The following GLRA3 variants were observed in gnomAD, a reference collection of about 807,000 sequenced individuals.
GLRA3 encodes the protein glycine receptor subunit alpha-3.
A neutral mutation model predicts 60.4 loss-of-function variants in GLRA3; 44 were observed. The observed-to-expected ratio is 0.73, with a 90% CI of 0.57 to 0.94. The LOEUF is 0.94. Ranked by LOEUF, GLRA3 falls within the 40% of genes least tolerant of loss-of-function variation. The pLI, the probability that GLRA3 is intolerant of heterozygous loss-of-function variation, is 0.00. For synonymous variants in GLRA3, 223 were observed against 192.9 expected (o/e 1.16, Z -1.29); for missense variants, 508 against 564.6 (o/e 0.90, Z 1.02).
intron 5 of GLRA3, among the ~76,000 whole-genome samples, chr4:174,691,864 T>C (rs1350232117): frequency 6.6e-6 from 1 of 151,476 alleles, no homozygotes; most frequent in East Asian, 2.0e-4. Context: ...TCGTCTGGGA[T>C]GTGAGGAGCC....
chr4:174,728,163 A>T (rs1280250206), intron 4 of GLRA3, among the ~76,000 whole-genome samples: 1 of 152,262 alleles, frequency 6.6e-6, no homozygotes, highest in African/African-American at 2.4e-5. Flanking sequence ...TAAAAGTATT[A>T]TCACAATGCA....
chr4:174,654,900 A>G (rs1733144842), intron 9 of GLRA3, among the ~76,000 whole-genome samples: 1 of 152,172 alleles, frequency 6.6e-6, no homozygotes, highest in African/African-American at 2.4e-5. Flanking sequence ...TTTGGATACA[A>G]GAGCAAACTT....
chr4:174,704,605 A>G (rs1183776819), intron 5 of GLRA3, among the ~76,000 whole-genome samples: 2 of 144,024 alleles, frequency 1.4e-5, no homozygotes, highest in African/African-American at 5.0e-5. Flanking sequence ...TATATGTCCA[A>G]AAGAATTCAA....
At chr4:174,715,905 A>G (rs896681513) in intron 4 of GLRA3, among the ~76,000 whole-genome samples, 1 of 150,808 alleles carries the variant, frequency 6.6e-6, no homozygotes, top group African/African-American at 2.5e-5. Context: ...TATTTATTCA[A>G]TTAGAAAGGG....
At chr4:174,694,832 A>T (rs1734987886) in intron 5 of GLRA3, among the ~76,000 whole-genome samples, 2 of 152,072 alleles carry the variant, frequency 1.3e-5, no homozygotes, top group Non-Finnish European at 2.9e-5. Flanking sequence ...CACTAGCTAG[A>T]CTAATAAAGC....
intron 5 of GLRA3, among the ~76,000 whole-genome samples, chr4:174,702,255 A>G (rs1240044569): frequency 6.6e-6 from 1 of 152,230 alleles, no homozygotes; most frequent in African/African-American, 2.4e-5. Context: ...GAAAATGATT[A>G]TGACTCACTG....
chr4:174,685,837 A>C (rs1396887871), intron 5 of GLRA3, among the ~76,000 whole-genome samples: 2 of 152,166 alleles, frequency 1.3e-5, no homozygotes, highest in African/African-American at 4.8e-5. Flanking sequence ...ACCTATAATC[A>C]CTGAAGACAA....
At position 174,682,820 on chromosome 4, in the gene GLRA3, T is replaced by A; in HGVS notation, c.694A>T (p.Thr232Ser). The A allele has an allele frequency of 6.2e-7, 1 of 1,612,812 alleles. No homozygotes were observed. Among genetic ancestry groups the A allele is most frequent in the East Asian group, 2.2e-5 (1 of 44,848 alleles). Residue 232 changes from threonine (T) to serine (S), a missense_variant, in exon 6 of 10, where the codon ACT becomes TCT. Physicochemically the swap from Thr to Ser is moderately conservative, Grantham distance 58. Coordinates refer to ENST00000274093, the MANE Select transcript of GLRA3 (RefSeq NM_006529.4). ...CCCCTACCTGTATTGTAATGTTTAG[T>A]GCAGTATCGTAAATCTTTTTCTTCT... ...LKEEKDLRYC[T>S]KHYNTGKFTC...
At chr4:174,823,331 T>C (rs1378338068) in intron 1 of GLRA3, among the ~76,000 whole-genome samples, 1 of 152,212 alleles carries the variant, frequency 6.6e-6, no homozygotes, top group East Asian at 1.9e-4. Flanking sequence ...GAGACCATCC[T>C]GGCTAACATA....
At chr4:174,724,582 TCTATTGTATTCA>T (rs1736249950) in intron 4 of GLRA3, among the ~76,000 whole-genome samples, 1 of 152,164 alleles carries the variant, frequency 6.6e-6, no homozygotes, top group Non-Finnish European at 1.5e-5. Flanking sequence ...AGAAGGAAAG[TCTATTGTATTCA>T]CTCATATTTT....
chr4:174,768,523 C>A (rs1738244533), intron 2 of GLRA3, among the ~76,000 whole-genome samples: 1 of 152,030 alleles, frequency 6.6e-6, no homozygotes, highest in Non-Finnish European at 1.5e-5. Flanking sequence ...TACTAAATAT[C>A]CAAAGCCTTT....
At chr4:174,767,118 C>T (rs1738172758) in intron 2 of GLRA3, 88 bp from the exon 3 acceptor site, 2 of 648,770 alleles carry the variant, frequency 3.1e-6, no homozygotes, top group Non-Finnish European at 5.6e-6. Context: ...ATTATTATTC[C>T]ATTTTACACA....
At chr4:174,735,664 G>A (rs1458167709) in intron 3 of GLRA3, among the ~76,000 whole-genome samples, 7 of 152,046 alleles carry the variant, frequency 4.6e-5, no homozygotes, top group Non-Finnish European at 7.4e-5. Context: ...TGGTTCAAGC[G>A]ATTCTCCTGC....
Position 174,728,566 on chromosome 4 carries a change from C to T in GLRA3, c.400G>A (p.Ala134Thr). 1 of 1,613,280 alleles carries T rather than the reference C, an allele frequency of 6.2e-7. No individual in the cohort carries two copies. Among genetic ancestry groups the T allele is most frequent in the Non-Finnish European group, 8.5e-7 (1 of 1,179,320 alleles). ...DSIWKPDLFFANEKGANFHEV... is the reference protein window; with the variant it reads ...DSIWKPDLFFTNEKGANFHEV... Reference sequence around the variant, plus strand: ...TGAAAGTTGGCACCCTTTTCATTGGCAAAGAACAAATCAGGTTTCCAAATG... The same window carrying T: ...TGAAAGTTGGCACCCTTTTCATTGGTAAAGAACAAATCAGGTTTCCAAATG... Residue 134 changes from alanine (A) to threonine (T), a missense_variant, in exon 4 of 10, where the codon GCC (alanine) becomes ACC (threonine). Physicochemically the swap from Ala to Thr is moderately conservative, Grantham distance 58. This residue lies in a region of GLRA3 where 329 missense variants were observed against 349.3 expected (regional missense o/e 0.94). Coordinates refer to ENST00000274093, the MANE Select transcript of GLRA3 (RefSeq NM_006529.4).
intron 6 of GLRA3, among the ~76,000 whole-genome samples, chr4:174,678,424 G>A (rs940088172): frequency 6.6e-6 from 1 of 152,192 alleles, no homozygotes; most frequent in South Asian, 2.1e-4. Flanking sequence ...AGGTCAGAAA[G>A]TTAACATTCT....
At chr4:174,650,920 CT>C (rs1455893854) in intron 9 of GLRA3, among the ~76,000 whole-genome samples, 1 of 152,158 alleles carries the variant, frequency 6.6e-6, no homozygotes, top group Non-Finnish European at 1.5e-5. Flanking sequence ...ATGAAAATTG[CT>C]TTTGGCTTGA....
At chr4:174,722,292 G>C (rs1158683446) in intron 4 of GLRA3, among the ~76,000 whole-genome samples, 3 of 151,988 alleles carry the variant, frequency 2.0e-5, no homozygotes, top group Non-Finnish European at 4.4e-5. Flanking sequence ...TAGTTCAAAA[G>C]GTAAAAAGGG....
intron 2 of GLRA3, among the ~76,000 whole-genome samples, chr4:174,786,758 A>T (rs1739145218): frequency 6.6e-6 from 1 of 152,182 alleles, no homozygotes; most frequent in African/African-American, 2.4e-5. Context: ...ATTACTTTTT[A>T]TAATTGATAT....
Position 174,767,037 on chromosome 4 carries a change from AAG to A in GLRA3, c.200-9_200-8del, listed in dbSNP as rs759943447. 1.3e-6 allele frequency: 2 copies of A among 1,552,692 alleles called. No individual in the cohort carries two copies. The highest frequency in any genetic ancestry group is 1.8e-6 in the Non-Finnish European group (2 of 1,125,530). On this transcript the variant is annotated splice_polypyrimidine_tract_variant and splice_region_variant and intron_variant, in intron 2 of 9. Coordinates refer to ENST00000274093, the MANE Select transcript of GLRA3 (RefSeq NM_006529.4). Reference sequence around the variant, plus strand: ...GTGACATTAACTGGAGGGCCTGAAAAAGAGATGAAAACATAAGGGCTGTTTAG... The same window carrying A: ...GTGACATTAACTGGAGGGCCTGAAAAAGATGAAAACATAAGGGCTGTTTAG...
Sources: allele counts gnomAD v4.1 joint callset (sites outside exome capture counted in the v4.1 genomes callset), GRCh38; gene constraint gnomAD v4.1.1; regional missense constraint gnomAD v4.1.1; transcripts MANE v1.5; gene names NCBI Gene and HGNC (gene_info 2026-07-23, HGNC 2026-07-21).